PRG4: variants seen among roughly 807,000 people sequenced by gnomAD.
PRG4 encodes proteoglycan 4.
In PRG4, 61 loss-of-function variants were observed where a neutral mutation model predicts 91.2. The ratio of observed to expected loss-of-function variants is 0.67; its 90% CI spans 0.54 to 0.83. The LOEUF (loss-of-function observed/expected upper bound fraction) is 0.83, where lower values mean the gene tolerates loss of function less well. Among genes scored for constraint, PRG4 ranks in the 40% least tolerant of loss-of-function variants. The pLI is 0.00. For missense variants in PRG4, 1,564 were observed against 1,714.2 expected (o/e 0.91, Z 1.55); for synonymous variants, 576 against 614.2 (o/e 0.94, Z 0.92).
At chr1:186,312,462 T>C (rs112440862) in intron 11 of PRG4, 90 bp downstream of exon 11, 1 of 1,230,526 alleles carries the variant, frequency 8.1e-7, no homozygotes, top group Non-Finnish European at 1.1e-6. Context: ...ATATGGATAC[T>C]GATCAAACAG....
intron 3 of PRG4, 102 bp from the exon 4 acceptor site, chr1:186,301,490 C>A: frequency 6.5e-7 from 1 of 1,534,756 alleles, no homozygotes; most frequent in Non-Finnish European, 9.0e-7. Context: ...TAGAAATGAA[C>A]TTTTGGAAAC....
At chr1:186,305,923 C>T (rs1656525095) in intron 6 of PRG4, among the ~76,000 whole-genome samples, 1 of 152,078 alleles carries the variant, frequency 6.6e-6, no homozygotes, top group African/African-American at 2.4e-5. Context: ...ATAATTGGTG[C>T]AGCAAGATGG....
At chr1:186,311,957 T>C in intron 10 of PRG4, 1 of 560,078 alleles carries the variant, frequency 1.8e-6, no homozygotes, top group Non-Finnish European at 3.1e-6. Context: ...ATTAAATATA[T>C]AACTATGTAA....
Position 186,306,342 on chromosome 1 carries a change from C to G in PRG4, c.623C>G (p.Thr208Ser), listed in dbSNP as rs1201378941. 6.2e-7 allele frequency: 1 copy of G among 1,602,524 alleles called. No homozygotes were observed. The highest frequency in any genetic ancestry group is 1.7e-5 in the Admixed American group (1 of 57,618). The change falls in exon 7 of 13, where the codon ACT (threonine) becomes AGT (serine). Residue 208 changes from threonine to serine, a missense_variant. By Grantham distance (58) the Thr-to-Ser change is moderately conservative. Around this residue, in one of 3 missense-constraint regions of PRG4, gnomAD observed 437 missense variants for 459.0 expected, o/e 0.95. Coordinates refer to ENST00000445192, the MANE Select transcript of PRG4 (RefSeq NM_005807.6). Reference sequence around the variant, plus strand: ...GTAAAAGATAACAAGAAGAACAGAACTAAAAAGAAACCTACCCCCAAACCA... The same window carrying G: ...GTAAAAGATAACAAGAAGAACAGAAGTAAAAAGAAACCTACCCCCAAACCA... Reference protein sequence around the residue: ...LKVKDNKKNRTKKKPTPKPPV... With the variant: ...LKVKDNKKNRSKKKPTPKPPV...
At position 186,314,157 on chromosome 1, in the gene PRG4, T is replaced by A; in HGVS notation, c.*379T>A. On this transcript the variant is annotated 3_prime_UTR_variant, in exon 13 of 13. Coordinates refer to ENST00000445192, the MANE Select transcript of PRG4 (RefSeq NM_005807.6). ...TAAAACTGTTGGGTATTCTACAACT[T>A]CAATGGAAATTATTACAAGCAGATT... 1 of 741,322 alleles carries A rather than the reference T, an allele frequency of 1.3e-6. No individual in the cohort carries two copies. The highest frequency in any genetic ancestry group is 2.1e-6 in the Non-Finnish European group (1 of 465,918). 45.9% of individuals were successfully genotyped at this position (741,322 alleles called of 1,614,324 possible).
Position 186,312,870 on chromosome 1 carries a change from TATG to T in PRG4, c.4096_4098del (p.Asp1366del), listed in dbSNP as rs1269346077. On this transcript the variant is annotated inframe_deletion, in exon 12 of 13. Coordinates refer to ENST00000445192, the MANE Select transcript of PRG4 (RefSeq NM_005807.6). ...GCCCAACATCAGAAAACCTGACGGC[TATG>T]ATTACTATGCCTTTTCTAAAGGTAA... 2.5e-6 allele frequency: 4 copies of T among 1,612,452 alleles called. No individual in the cohort carries two copies. The highest frequency in any genetic ancestry group is 1.7e-6 in the Non-Finnish European group (2 of 1,178,594).
chr1:186,312,621 T>C (rs1193234818), intron 11 of PRG4, 148 bp from the exon 12 acceptor site: 1 of 885,480 alleles, frequency 1.1e-6, no homozygotes, highest in African/African-American at 1.7e-5. Flanking sequence ...AAGTACTTCT[T>C]ACCAAGAACA....
rs1181065502 is a variant in PRG4 at position 186,312,306 on chromosome 1, G to C, written c.3925G>C (p.Gly1309Arg). 1 of 1,612,970 alleles carries C rather than the reference G, an allele frequency of 6.2e-7. No homozygotes were observed. The highest frequency in any genetic ancestry group is 1.1e-5 in the South Asian group (1 of 90,786). ...VRRRRFERAI[G>R]PSQTHTIRIQ... Reference sequence around the variant, plus strand: ...GAGACGTCGCTTTGAACGTGCTATAGGACCTTCTCAAACACACACCATCAG... The same window carrying C: ...GAGACGTCGCTTTGAACGTGCTATACGACCTTCTCAAACACACACCATCAG... The change falls in exon 11 of 13, where the codon GGA (glycine) becomes CGA (arginine). Residue 1309 changes from glycine to arginine, a missense_variant. Physicochemically the swap from Gly to Arg is moderately radical, Grantham distance 125. Around this residue, in one of 3 missense-constraint regions of PRG4, gnomAD observed 1,079 missense variants for 1,162.2 expected, o/e 0.93. Transcript: ENST00000445192.
rs768957112 is a variant in PRG4, at chr1:186,301,700, T to C, written c.308T>C (p.Phe103Ser). 1.9e-6 allele frequency: 3 copies of C among 1,613,764 alleles called. No homozygotes were observed. Among genetic ancestry groups the C allele is most frequent in the Admixed American group, 3.3e-5 (2 of 59,996 alleles). The change falls in exon 4 of 13, where the codon TTC becomes TCC. Residue 103 changes from phenylalanine to serine, a missense_variant. Phe to Ser is a radical substitution (Grantham distance 155). Coordinates refer to ENST00000445192, the MANE Select transcript of PRG4 (RefSeq NM_005807.6). ...YDKCCPDYES[F>S]CAEVHNPTSP... Reference sequence around the variant, plus strand: ...AAGTGCTGTCCCGATTATGAGAGTTTCTGTGCAGAAGGTAAGCATCACAGT... The same window carrying C: ...AAGTGCTGTCCCGATTATGAGAGTTCCTGTGCAGAAGGTAAGCATCACAGT...
intron 6 of PRG4, among the ~76,000 whole-genome samples, chr1:186,305,196 T>C (rs974776770): frequency 6.6e-6 from 1 of 152,234 alleles, no homozygotes. Flanking sequence ...GATGGCTTTC[T>C]ACTGTCATTC....
chr1:186,309,993 C>T (rs1431077066), intron 8 of PRG4, 123 bp downstream of exon 8: 1 of 781,518 alleles, frequency 1.3e-6, no homozygotes, highest in Non-Finnish European at 2.3e-6. Context: ...GATAAGCACA[C>T]CTCACAGGAG....
At chr1:186,313,532 CTTTT>C in intron 12 of PRG4, 145 bp from the exon 13 acceptor site, 1 of 582,188 alleles carries the variant, frequency 1.7e-6, no homozygotes, top group Non-Finnish European at 3.0e-6. Flanking sequence ...AATTGTTTTT[CTTTT>C]TGTTATAAAG....
intron 4 of PRG4, 33 bp from the exon 5 acceptor site, chr1:186,304,075 A>T (rs768611756): frequency 8.7e-6 from 14 of 1,611,100 alleles, no homozygotes; most frequent in African/African-American, 2.7e-5. Flanking sequence ...AACATAAACA[A>T]GATGTTAACT....
In PRG4 at chr1:186,301,659, A is replaced by G. The variant is rs144933686; in HGVS notation, c.267A>G (p.Gln89=). The G allele has an allele frequency of 2.7e-4, 430 of 1,613,738 alleles. 1 individual carries two copies. Among genetic ancestry groups the G allele is most frequent in the Non-Finnish European group, 3.3e-4 (395 of 1,179,802 alleles). ...ERGRECDCDA[Q]CKKYDKCCPD... ...GGAGGGAGTGTGACTGCGACGCCCAATGTAAGAAGTATGACAAGTGCTGTC... is the reference window on the plus strand; with the variant it reads ...GGAGGGAGTGTGACTGCGACGCCCAGTGTAAGAAGTATGACAAGTGCTGTC... The change falls in exon 4 of 13, where the codon CAA becomes CAG. Residue 89 remains glutamine, a synonymous_variant. Transcript: ENST00000445192.
chr1:186,308,908 C>A lies in PRG4; in HGVS notation c.3189C>A (p.Asn1063Lys), dbSNP rs1418991840. ...TGACATCAACAATGCCAGAATTGAA[C>A]CCTACCTCAAGAATAGCAGAAGCCA... is the stretch of plus-strand genomic sequence containing the variant. ...RKMTSTMPEL[N>K]PTSRIAEAML... The change falls in exon 7 of 13, where the codon AAC becomes AAA. Residue 1063 changes from asparagine (N) to lysine (K), a missense_variant. Asn to Lys is a moderately conservative substitution (Grantham distance 94). Around this residue, in one of 3 missense-constraint regions of PRG4, gnomAD observed 1,079 missense variants for 1,162.2 expected, o/e 0.93. Coordinates refer to ENST00000445192, the MANE Select transcript of PRG4 (RefSeq NM_005807.6). 3 of 1,612,998 alleles carry A rather than the reference C, an allele frequency of 1.9e-6. No individual in the cohort carries two copies. The highest frequency in any genetic ancestry group is 2.5e-6 in the Non-Finnish European group (3 of 1,179,686).
chr1:186,297,604 A>C (rs537109668), intron 2 of PRG4, among the ~76,000 whole-genome samples: 7 of 152,366 alleles, frequency 4.6e-5, no homozygotes, highest in Middle Eastern at 3.4e-3. Context: ...AAGTACATTC[A>C]GTGAAATCAC....
intron 6 of PRG4, 71 bp downstream of exon 6, chr1:186,304,993 C>T (rs765875700): frequency 1.3e-6 from 2 of 1,499,500 alleles, no homozygotes; most frequent in Non-Finnish European, 1.8e-6. Flanking sequence ...AAAAGTAATG[C>T]GTGTTGGCAG....
chr1:186,308,447 G>GA lies in PRG4; in HGVS notation c.2731dup (p.Met911AsnfsTer6). 1 of 1,613,892 alleles carries GA rather than the reference G, an allele frequency of 6.2e-7. No individual in the cohort carries two copies. The highest frequency in any genetic ancestry group is 1.1e-5 in the South Asian group (1 of 91,082). On this transcript the variant is annotated frameshift_variant, in exon 7 of 13. Coordinates refer to ENST00000445192, the MANE Select transcript of PRG4 (RefSeq NM_005807.6). LOFTEE classifies it high-confidence loss of function. ...TAAGACTCCTGCAGCGACTAAACCT[G>GA]AAATGACTACAACAGCTAAAGACAA...
At position 186,311,072 on chromosome 1, in the gene PRG4, T is replaced by C. The variant is rs767252636; in HGVS notation, c.3538T>C (p.Ser1180Pro). ...GATGCTAAGTCCATTCAGTCCACCA[T>C]CTCCAGCTCGCAGAATTACTGAAGT... is the stretch of plus-strand genomic sequence containing the variant. Reference protein sequence around the residue: ...FWMLSPFSPPSPARRITEVWG... With the variant: ...FWMLSPFSPPPPARRITEVWG... The change falls in exon 9 of 13, where the codon TCT becomes CCT. Residue 1180 changes from serine (S) to proline (P), a missense_variant. By Grantham distance (74) the Ser-to-Pro change is moderately conservative. Around this residue, in one of 3 missense-constraint regions of PRG4, gnomAD observed 1,079 missense variants for 1,162.2 expected, o/e 0.93. Coordinates refer to ENST00000445192, the MANE Select transcript of PRG4 (RefSeq NM_005807.6). The C allele has an allele frequency of 4.3e-6, 7 of 1,613,874 alleles. No homozygotes were observed. In the African/African-American group the frequency reaches 9.3e-5, roughly 22 times the overall value.
Sources: allele counts gnomAD v4.1 joint callset (sites outside exome capture counted in the v4.1 genomes callset), GRCh38; gene constraint gnomAD v4.1.1; regional missense constraint gnomAD v4.1.1; transcripts MANE v1.5; gene names NCBI Gene and HGNC (gene_info 2026-07-23, HGNC 2026-07-21).